Variants in ZFYVE16 observed in about 807,000 individuals in gnomAD.
ZFYVE16 encodes the protein zinc finger FYVE domain-containing protein 16.
Under a neutral mutation model 138.1 loss-of-function variants are expected in ZFYVE16, and 89 were observed. The ratio of observed to expected loss-of-function variants is 0.64; its 90% confidence interval spans 0.54 to 0.77. ZFYVE16 has a LOEUF of 0.77. Among genes scored for constraint, ZFYVE16 ranks in the 30% least tolerant of loss-of-function variants. The pLI is 0.00. For missense variants in ZFYVE16, 1,793 were observed against 1,786.7 expected (o/e 1.00, Z -0.06); for synonymous variants, 596 against 618.3 (o/e 0.96, Z 0.53).
chr5:80,455,842 T>A (rs1415181318), intron 12 of ZFYVE16, 68 bp downstream of exon 12: 1 of 1,280,904 alleles, frequency 7.8e-7, no homozygotes, highest in Non-Finnish European at 1.1e-6. Flanking sequence ...TAGCAAAGTT[T>A]ATACATTTAT....
At chr5:80,416,218 C>T (rs1165606611) in intron 1 of ZFYVE16, among the ~76,000 whole-genome samples, 1 of 142,976 alleles carries the variant, frequency 7.0e-6, no homozygotes, top group Non-Finnish European at 1.5e-5. Context: ...TTTATTCAAT[C>T]ATTTACTTAC....
chr5:80,425,247 T>C (rs905767799), intron 1 of ZFYVE16, among the ~76,000 whole-genome samples: 2 of 152,210 alleles, frequency 1.3e-5, no homozygotes, highest in Admixed American at 6.5e-5. Flanking sequence ...GGCATTACTT[T>C]AGGTAATTTC....
chr5:80,421,869 C>A (rs1398461461), intron 1 of ZFYVE16, among the ~76,000 whole-genome samples: 1 of 152,106 alleles, frequency 6.6e-6, no homozygotes, highest in East Asian at 1.9e-4. Context: ...GGCATTGAAT[C>A]TATAAATTAC....
chr5:80,431,169 C>A (rs1381007989), intron 2 of ZFYVE16, among the ~76,000 whole-genome samples: 1 of 152,196 alleles, frequency 6.6e-6, no homozygotes, highest in Non-Finnish European at 1.5e-5. Context: ...CCCTGATGAA[C>A]ATTGCTGCAA....
At chr5:80,443,326 T>A in intron 6 of ZFYVE16, 42 bp downstream of exon 6, 2 of 1,576,816 alleles carry the variant, frequency 1.3e-6, no homozygotes, top group Non-Finnish European at 1.7e-6. Context: ...GATAAATTAT[T>A]GAAATAGAAA....
At chr5:80,409,434 G>A (rs888047875) in intron 1 of ZFYVE16, among the ~76,000 whole-genome samples, 1 of 152,110 alleles carries the variant, frequency 6.6e-6, no homozygotes, top group Non-Finnish European at 1.5e-5. Flanking sequence ...TAGAGTTTTT[G>A]GTTCCTAATG....
rs760760509 is a variant in ZFYVE16 at position 80,437,874 on chromosome 5, T to C, written c.1189T>C (p.Phe397Leu). 6.2e-7 allele frequency: 1 copy of C among 1,614,058 alleles called. No individual in the cohort carries two copies. The highest frequency in any genetic ancestry group is 8.5e-7 in the Non-Finnish European group (1 of 1,179,966). The change falls in exon 4 of 19, where the codon TTT (phenylalanine) becomes CTT (leucine). Residue 397 changes from phenylalanine (F) to leucine (L), a missense_variant. Phe to Leu is a conservative substitution (Grantham distance 22). This residue lies in a region of ZFYVE16 where 1,295 missense variants were observed against 1,204.3 expected (regional missense o/e 1.08). Coordinates refer to ENST00000505560, the MANE Select transcript of ZFYVE16 (RefSeq NM_001284236.3). Reference protein sequence around the residue: ...SLIESKARGDFLPQHEHKDNI... With the variant: ...SLIESKARGDLLPQHEHKDNI... ...AATTGAAAGTAAAGCACGGGGTGATTTTTTACCTCAGCATGAACATAAAGA... is the reference window on the plus strand; with the variant it reads ...AATTGAAAGTAAAGCACGGGGTGATCTTTTACCTCAGCATGAACATAAAGA...
At position 80,437,675 on chromosome 5, in the gene ZFYVE16, C is replaced by T; in HGVS notation, c.990C>T (p.Ser330=). 1 of 1,612,200 alleles carries T rather than the reference C, an allele frequency of 6.2e-7. No individual in the cohort carries two copies. The highest frequency in any genetic ancestry group is 8.5e-7 in the Non-Finnish European group (1 of 1,179,394). Residue 330 remains serine (S), a synonymous_variant, in exon 4 of 19, where the codon TCC becomes TCT. Coordinates refer to ENST00000505560, the MANE Select transcript of ZFYVE16 (RefSeq NM_001284236.3). ...AAAATTTCAAATTACCTGACTTTTC[C>T]TTTCAGGAAGATAAGACTGTTATAA... ...RDENFKLPDF[S]FQEDKTVIKQ...
intron 11 of ZFYVE16, chr5:80,454,556 G>A (rs1390569679): frequency 2.0e-5 from 3 of 151,818 alleles, no homozygotes; most frequent in African/African-American, 7.3e-5. Flanking sequence ...GCCCAGGCTG[G>A]AGTGCAGTGG....
intron 1 of ZFYVE16, chr5:80,409,917 G>A (rs1399023281): frequency 6.6e-6 from 1 of 152,186 alleles, no homozygotes; most frequent in Non-Finnish European, 1.5e-5. Context: ...GTTTTCTGGT[G>A]TATGCGTGCT....
At chr5:80,415,742 A>G (rs570309707) in intron 1 of ZFYVE16, among the ~76,000 whole-genome samples, 1 of 151,874 alleles carries the variant, frequency 6.6e-6, no homozygotes, top group Admixed American at 6.6e-5. Context: ...ATCTCAGCTC[A>G]CTGCAACCTC....
intron 17 of ZFYVE16, 151 bp downstream of exon 17, chr5:80,474,010 T>G (rs1754648428): frequency 1.7e-6 from 1 of 574,068 alleles, no homozygotes; most frequent in Non-Finnish European, 3.0e-6. Context: ...CACCCCAGAA[T>G]TTTATACACC....
At position 80,480,208 on chromosome 5, in the gene ZFYVE16, T is replaced by A. The variant is rs1755213483; in HGVS notation, c.*2831T>A. ...GATTTGTTTTCTTTGTTTAAGGAAATAAGGTGTGTGAATGTACTTGCAGGA... is the reference window on the plus strand; with the variant it reads ...GATTTGTTTTCTTTGTTTAAGGAAAAAAGGTGTGTGAATGTACTTGCAGGA... On this transcript the variant is annotated 3_prime_UTR_variant, in exon 19 of 19. Transcript: ENST00000505560. Among the ~76,000 whole-genome samples the A allele has an allele frequency of 6.6e-6, 1 of 152,078 alleles. No individual in the cohort carries two copies. Among genetic ancestry groups the A allele is most frequent in the Admixed American group, 6.5e-5 (1 of 15,274 alleles).
chr5:80,476,697 C>T (rs183708378), intron 18 of ZFYVE16, among the ~76,000 whole-genome samples: 2 of 152,224 alleles, frequency 1.3e-5, no homozygotes, highest in Admixed American at 1.3e-4. Flanking sequence ...ACTCATAGTT[C>T]TTACTGGAAA....
At chr5:80,410,859 C>A (rs565793916) in intron 1 of ZFYVE16, among the ~76,000 whole-genome samples, 21 of 151,020 alleles carry the variant, frequency 1.4e-4, no homozygotes, top group African/African-American at 5.1e-4. Flanking sequence ...CGAGCCACCT[C>A]ACCCGACCTT....
chr5:80,423,222 G>A (rs967672840), intron 1 of ZFYVE16, among the ~76,000 whole-genome samples: 11 of 152,034 alleles, frequency 7.2e-5, no homozygotes, highest in Non-Finnish European at 1.5e-4. Context: ...GGGATTTTGG[G>A]TTATCTGTTT....
intron 15 of ZFYVE16, among the ~76,000 whole-genome samples, chr5:80,461,400 C>T (rs1753094095): frequency 6.6e-6 from 1 of 152,142 alleles, no homozygotes; most frequent in South Asian, 2.1e-4. Flanking sequence ...CAAATAAGAT[C>T]CAGTCACTGC....
intron 6 of ZFYVE16, chr5:80,443,989 T>C: frequency 3.0e-6 from 1 of 338,534 alleles, no homozygotes; most frequent in Non-Finnish European, 5.8e-6. Flanking sequence ...ACAGAAATAA[T>C]ATTTTTTAAA....
chr5:80,414,971 C>G (rs538378833), intron 1 of ZFYVE16, among the ~76,000 whole-genome samples: 1 of 152,156 alleles, frequency 6.6e-6, no homozygotes, highest in Non-Finnish European at 1.5e-5. Context: ...GTGTTGGGCC[C>G]CAAATGGGCC....
Sources: gnomAD v4.1 joint callset for allele counts (sites outside exome capture counted in the v4.1 genomes callset) on GRCh38, gnomAD v4.1.1 for gene constraint, gnomAD v4.1.1 regional missense constraint, MANE v1.5 for transcripts, NCBI Gene and HGNC (gene_info 2026-07-23, HGNC 2026-07-21) for gene names.